The following MPHOSPH9 variants were observed in gnomAD, a reference collection of about 807,000 sequenced individuals.
MPHOSPH9 encodes the protein M-phase phosphoprotein 9.
In MPHOSPH9, 88 loss-of-function variants were observed where a neutral mutation model predicts 145.5. The observed-to-expected ratio is 0.60, with a 90% CI of 0.51 to 0.72. The LOEUF (loss-of-function observed/expected upper bound fraction) is 0.72. Among genes scored for constraint, MPHOSPH9 ranks in the 30% least tolerant of loss-of-function variants. The probability of loss-of-function intolerance (pLI) is 0.00; values close to 1 mark genes in which losing one functional copy is unlikely to be tolerated. For missense variants in MPHOSPH9, 1,238 were observed against 1,386.6 expected, an observed-to-expected ratio of 0.89 and a Z score of 1.70; for synonymous variants, 435 against 486.2, an observed-to-expected ratio of 0.89 and a Z score of 1.39.
chr12:123,243,508 C>T (rs1389911148), intron 1 of MPHOSPH9, among the ~76,000 whole-genome samples: 2 of 135,768 alleles, frequency 1.5e-5, no homozygotes, highest in Admixed American at 8.1e-5. Context: ...CCAGCCTGGG[C>T]GACAGAGCGA....
At chr12:123,182,890 G>A (rs1354711518) in intron 13 of MPHOSPH9, among the ~76,000 whole-genome samples, 1 of 150,994 alleles carries the variant, frequency 6.6e-6, no homozygotes, top group African/African-American at 2.4e-5. Flanking sequence ...CTCCAGCCTG[G>A]GTGACAGAGT....
intron 17 of MPHOSPH9, 21 bp from the exon 18 acceptor site, chr12:123,165,498 C>A (rs770675785): frequency 3.7e-6 from 6 of 1,606,128 alleles, no homozygotes; most frequent in East Asian, 2.2e-5. Flanking sequence ...AATTTTAAGA[C>A]ATACAGTGCT....
At position 123,203,002 on chromosome 12, in the gene MPHOSPH9, A is replaced by T. The variant is rs2046287218; in HGVS notation, c.1403T>A (p.Leu468His). The change falls in exon 10 of 24, where the codon CTT (leucine) becomes CAT (histidine). Residue 468 changes from leucine to histidine, a missense_variant. Physicochemically the swap from Leu to His is moderately conservative, Grantham distance 99. Coordinates refer to ENST00000606320, the MANE Select transcript of MPHOSPH9 (RefSeq NM_022782.4). The stretch of plus-strand genomic sequence containing the variant: ...CGGGGAAAAGGATATTCTGTCATCA[A>T]GGGCATTCGGAAGGCCGTGAGGTTG... ...GIQPHGLPNA[L>H]DDRISFSPDS... 1 of 1,614,114 alleles carries T rather than the reference A, an allele frequency of 6.2e-7. No homozygotes were observed. The highest frequency in any genetic ancestry group is 1.3e-5 in the African/African-American group (1 of 74,936).
intron 7 of MPHOSPH9, among the ~76,000 whole-genome samples, chr12:123,212,396 C>T (rs559227447): frequency 1.3e-5 from 2 of 152,046 alleles, no homozygotes; most frequent in Admixed American, 6.6e-5. Context: ...ATCAAAGAAA[C>T]GGACAGAGCA....
rs531440673 is a variant in MPHOSPH9, at chr12:123,208,125, G to A, written c.1194+1931C>T. On this transcript the variant is annotated intron_variant, in intron 8 of 23. Transcript: ENST00000606320. ...CCCAGCTACTCAGGAGGCTGAGGCA[G>A]GAGAATCACTTGAACCTGGAACCAC... Among the ~76,000 whole-genome samples, 32 of 144,418 alleles carry A rather than the reference G, an allele frequency of 2.2e-4. No individual in the cohort carries two copies. The South Asian group carries it at 6.3e-3, about 28-fold the overall frequency. 94.7% of individuals were successfully genotyped at this position (144,418 alleles called of 152,430 possible).
chr12:123,243,235 A>T (rs1440410227), intron 1 of MPHOSPH9, among the ~76,000 whole-genome samples: 2 of 147,930 alleles, frequency 1.4e-5, no homozygotes, highest in African/African-American at 2.5e-5. Context: ...TTTTAAAACA[A>T]TTTTTTTTTT....
At position 123,221,754 on chromosome 12, in the gene MPHOSPH9, C is replaced by G; in HGVS notation, c.490G>C (p.Glu164Gln). The change falls in exon 5 of 24, where the codon GAA becomes CAA. Residue 164 changes from glutamate to glutamine, a missense_variant. Glu to Gln is a conservative substitution (Grantham distance 29). This residue lies in a region of MPHOSPH9 where 837 missense variants were observed against 897.5 expected (regional missense o/e 0.93). Coordinates refer to ENST00000606320, the MANE Select transcript of MPHOSPH9 (RefSeq NM_022782.4). ...GATTCAGGATAATGGATAACAGATT[C>G]ATTTCTCTCACTGCTTAGAGAAAAA... Reference protein sequence around the residue: ...GFFSLSSERNESVIHYPESTE... With the variant: ...GFFSLSSERNQSVIHYPESTE... 6.2e-7 allele frequency: 1 copy of G among 1,614,086 alleles called. No homozygotes were observed. The highest frequency in any genetic ancestry group is 8.5e-7 in the Non-Finnish European group (1 of 1,180,024).
chr12:123,166,337 G>A (rs532639622), intron 17 of MPHOSPH9: 14 of 305,002 alleles, frequency 4.6e-5, no homozygotes, highest in African/African-American at 2.7e-4. Context: ...GAACTCCTAG[G>A]CTCAAGCGAT....
intron 6 of MPHOSPH9, among the ~76,000 whole-genome samples, chr12:123,217,323 G>A (rs759983511): frequency 3.6e-4 from 54 of 151,698 alleles, no homozygotes; most frequent in Non-Finnish European, 6.6e-4. Flanking sequence ...TCAGCCTCCC[G>A]AGTAGCTGGG....
Position 123,163,074 on chromosome 12 carries a change from T to C in MPHOSPH9, c.2969A>G (p.Lys990Arg), listed in dbSNP as rs2044173607. Residue 990 changes from lysine (K) to arginine (R), a missense_variant, in exon 20 of 24, where the codon AAA (lysine) becomes AGA (arginine). Around this residue, in one of 3 missense-constraint regions of MPHOSPH9, gnomAD observed 393 missense variants for 462.5 expected, o/e 0.85. Coordinates refer to ENST00000606320, the MANE Select transcript of MPHOSPH9 (RefSeq NM_022782.4). ...TVAYSPKRSP[K>R]ENLSPGFSHL... ...ACTAAATCCTGGGGACAAGTTTTCT[T>C]TAGGGGATCGCTTTGGACTATAAGC... 1 of 1,598,504 alleles carries C rather than the reference T, an allele frequency of 6.3e-7. No individual in the cohort carries two copies. The highest frequency in any genetic ancestry group is 1.1e-5 in the South Asian group (1 of 87,022).
At chr12:123,211,266 TG>T (rs747552154) in intron 7 of MPHOSPH9, among the ~76,000 whole-genome samples, 3 of 152,136 alleles carry the variant, frequency 2.0e-5, no homozygotes, top group Non-Finnish European at 2.9e-5. Flanking sequence ...AAAACAGGTG[TG>T]AGCCACCGTG....
intron 6 of MPHOSPH9, among the ~76,000 whole-genome samples, chr12:123,215,870 C>G (rs555775923): frequency 6.6e-6 from 1 of 152,306 alleles, no homozygotes; most frequent in African/African-American, 2.4e-5. Context: ...AACACATGAG[C>G]CTTATAAGGC....
intron 16 of MPHOSPH9, among the ~76,000 whole-genome samples, chr12:123,172,832 T>A (rs1449867365): frequency 6.7e-6 from 1 of 148,836 alleles, no homozygotes; most frequent in Non-Finnish European, 1.5e-5. Flanking sequence ...TGACAGTATT[T>A]TCCATATTCC....
chr12:123,219,117 C>G (rs1242563291), intron 5 of MPHOSPH9, among the ~76,000 whole-genome samples: 9 of 151,764 alleles, frequency 5.9e-5, no homozygotes, highest in Admixed American at 5.9e-4. Flanking sequence ...GTTGCTCAGG[C>G]TGATCTCGAA....
At chr12:123,168,716 C>T (rs948682347) in intron 16 of MPHOSPH9, among the ~76,000 whole-genome samples, 15 of 144,058 alleles carry the variant, frequency 1.0e-4, no homozygotes, top group African/African-American at 3.7e-4. Context: ...CCACCCTCCT[C>T]AAACCTCCCA....
In MPHOSPH9 at chr12:123,202,332, G is replaced by A; in HGVS notation, c.1782-13C>T. 6.4e-7 allele frequency: 1 copy of A among 1,570,726 alleles called. No homozygotes were observed. Among genetic ancestry groups the A allele is most frequent in the Non-Finnish European group, 8.6e-7 (1 of 1,164,992 alleles). On this transcript the variant is annotated splice_polypyrimidine_tract_variant and intron_variant, in intron 10 of 23. Transcript: ENST00000606320. ...ATTCTGCCTAATCCTTATTCAGTGAGAATAAAAAATATATATTAGGAAAGC... is the reference window on the plus strand; with the variant it reads ...ATTCTGCCTAATCCTTATTCAGTGAAAATAAAAAATATATATTAGGAAAGC...
intron 13 of MPHOSPH9, among the ~76,000 whole-genome samples, chr12:123,193,071 CAAAAAAAA>C (rs768866302): frequency 4.8e-3 from 141 of 29,498 alleles, no homozygotes; most frequent in East Asian, 0.021. Flanking sequence ...GATTGTCTTT[CAAAAAAAA>C]AAAAAAAAAA....
At chr12:123,174,630 C>T (rs1280432260) in intron 16 of MPHOSPH9, among the ~76,000 whole-genome samples, 1 of 152,096 alleles carries the variant, frequency 6.6e-6, no homozygotes, top group African/African-American at 2.4e-5. Context: ...TCTCGGCCTC[C>T]CAAAGTGCTG....
At chr12:123,196,073 C>T (rs2045930711) in intron 12 of MPHOSPH9, among the ~76,000 whole-genome samples, 1 of 151,052 alleles carries the variant, frequency 6.6e-6, no homozygotes, top group South Asian at 2.1e-4. Context: ...ACATATAAAA[C>T]AAAATACGCT....
Sources: gnomAD v4.1 joint callset for allele counts (sites outside exome capture counted in the v4.1 genomes callset) on GRCh38, gnomAD v4.1.1 for gene constraint, gnomAD v4.1.1 regional missense constraint, MANE v1.5 for transcripts, NCBI Gene and HGNC (gene_info 2026-07-23, HGNC 2026-07-21) for gene names.